The following EBF2 variants were observed in gnomAD, a reference collection of about 807,000 sequenced individuals.
The protein encoded by EBF2 is EBF transcription factor 2.
EBF2 carries 21 observed loss-of-function variants against 72.8 expected under a neutral mutation model. The observed-to-expected ratio is 0.29, with a 90% CI of 0.20 to 0.42. EBF2 has a LOEUF of 0.42. Among genes scored for constraint, EBF2 ranks in the 10% least tolerant of loss-of-function variants. The pLI, the probability that EBF2 is intolerant of heterozygous loss-of-function variation, is 1.00. For synonymous variants in EBF2, 299 were observed against 274.2 expected, an observed-to-expected ratio of 1.09 and a Z score of -0.89; for missense variants, 637 against 731.2, an observed-to-expected ratio of 0.87 and a Z score of 1.49.
At chr8:25,945,807 G>A (rs946678063) in intron 6 of EBF2, among the ~76,000 whole-genome samples, 1 of 151,948 alleles carries the variant, frequency 6.6e-6, no homozygotes, top group African/African-American at 2.4e-5. Flanking sequence ...AAATTGATCA[G>A]CAGAGACAGA....
intron 6 of EBF2, among the ~76,000 whole-genome samples, chr8:26,029,632 C>A (rs530839236): frequency 1.3e-5 from 2 of 152,066 alleles, no homozygotes; most frequent in African/African-American, 4.8e-5. Flanking sequence ...TGTGAGAAAA[C>A]GCAAAGACAG....
rs987624150 is a variant in EBF2, at chr8:25,841,843, CAAA to C, written c.*2763_*2765del. On this transcript the variant is annotated 3_prime_UTR_variant, in exon 16 of 16. Transcript: ENST00000520164. Reference sequence around the variant, plus strand: ...AAGTAAGACCATTAAAAACAGTAAACAAAAAAGCTGTCTTTACAAAAAGCTCTG... The same window carrying C: ...AAGTAAGACCATTAAAAACAGTAAACAAAGCTGTCTTTACAAAAAGCTCTG... 6.6e-6 allele frequency: 1 copy of C among 151,968 alleles called. No homozygotes were observed. The highest frequency in any genetic ancestry group is 1.5e-5 in the Non-Finnish European group (1 of 67,966). The allele number at this position is 151,968 out of a possible 1,614,324, so 9.4% of individuals were successfully genotyped here. A position where few individuals can be genotyped will look rare whatever the true frequency, so the allele number is the denominator to read the frequency against.
intron 6 of EBF2, among the ~76,000 whole-genome samples, chr8:25,961,369 T>G (rs1283914641): frequency 1.3e-5 from 2 of 152,212 alleles, no homozygotes; most frequent in Admixed American, 1.3e-4. Flanking sequence ...TGAGGTTTTT[T>G]GTTTTTTGTT....
chr8:25,937,319 T>C (rs1255832518), intron 6 of EBF2, among the ~76,000 whole-genome samples: 4 of 152,252 alleles, frequency 2.6e-5, no homozygotes, highest in Admixed American at 2.6e-4. Flanking sequence ...CATCCAAAAA[T>C]GTCCCCGACA....
chr8:25,916,994 TA>T (rs1803227805), intron 6 of EBF2, among the ~76,000 whole-genome samples: 1 of 152,134 alleles, frequency 6.6e-6, no homozygotes, highest in Admixed American at 6.5e-5. Flanking sequence ...TCCATACCGA[TA>T]GACTTCATTT....
chr8:25,850,744 T>C lies in EBF2; in HGVS notation c.1546A>G (p.Thr516Ala). The change falls in exon 15 of 16, where the codon ACC becomes GCC. Residue 516 changes from threonine to alanine, a missense_variant. Around this residue, in one of 3 missense-constraint regions of EBF2, gnomAD observed 259 missense variants for 268.1 expected, o/e 0.97. Transcript: ENST00000520164. The stretch of plus-strand genomic sequence containing the variant: ...GAGGATGTGCTGGAAGACCCAACGG[T>C]GGGACTTGATGACATGACTGGAAAG... ...SPYGIMSSSP[T>A]VGSSSTSSIL... is the part of the protein sequence containing the mutation. 1 of 1,560,216 alleles carries C rather than the reference T, an allele frequency of 6.4e-7. No individual in the cohort carries two copies. Among genetic ancestry groups the C allele is most frequent in the Admixed American group, 2.1e-5 (1 of 47,718 alleles).
At chr8:25,952,211 G>A (rs543978552) in intron 6 of EBF2, among the ~76,000 whole-genome samples, 3 of 152,268 alleles carry the variant, frequency 2.0e-5, no homozygotes, top group East Asian at 1.9e-4. Flanking sequence ...CAAGAGGATC[G>A]CTTAAGCTCA....
chr8:25,984,752 A>C lies in EBF2; in HGVS notation c.551+48333T>G, dbSNP rs550292788. 7.9e-4 allele frequency among the ~76,000 whole-genome samples: 120 copies of C among 152,162 alleles called. 1 individual carries two copies. Among genetic ancestry groups the C allele is most frequent in the African/African-American group, 2.8e-3 (116 of 41,522 alleles). On this transcript the variant is annotated intron_variant, in intron 6 of 15. Transcript: ENST00000520164. Reference sequence around the variant, plus strand: ...TGCTTCTAGGTAATGAAATTTGCCCAGTATTCTTTGATATCTACATTTTGG... The same window carrying C: ...TGCTTCTAGGTAATGAAATTTGCCCCGTATTCTTTGATATCTACATTTTGG...
intron 6 of EBF2, among the ~76,000 whole-genome samples, chr8:26,015,093 G>A (rs936412034): frequency 2.0e-5 from 3 of 152,156 alleles, no homozygotes; most frequent in Admixed American, 6.5e-5. Flanking sequence ...GGAAACAAAT[G>A]TGGACCCCCG....
intron 5 of EBF2, 54 bp downstream of exon 5, chr8:26,039,974 G>C (rs1805570898): frequency 5.0e-6 from 8 of 1,587,454 alleles, no homozygotes; most frequent in East Asian, 2.3e-5. Flanking sequence ...CGCCAAGGCG[G>C]GGCTGGAGCA....
intron 10 of EBF2, among the ~76,000 whole-genome samples, chr8:25,884,792 T>C (rs954868629): frequency 2.4e-4 from 36 of 152,152 alleles, no homozygotes; most frequent in Admixed American, 2.1e-3. Flanking sequence ...GAGATGTGCT[T>C]ATCTCAGGAC....
intron 5 of EBF2, among the ~76,000 whole-genome samples, chr8:26,036,835 A>T (rs1182447112): frequency 6.6e-6 from 1 of 152,206 alleles, no homozygotes; most frequent in East Asian, 1.9e-4. Flanking sequence ...ATTATTCTCC[A>T]ACAAGCAAGT....
intron 6 of EBF2, among the ~76,000 whole-genome samples, chr8:25,948,990 T>G (rs1803815407): frequency 6.6e-6 from 1 of 152,226 alleles, no homozygotes; most frequent in Non-Finnish European, 1.5e-5. Flanking sequence ...TAATAGGTCT[T>G]GCACAGATAT....
In EBF2 at chr8:25,939,167, A is replaced by G. The variant is rs565294619; in HGVS notation, c.552-30612T>C. On this transcript the variant is annotated intron_variant, in intron 6 of 15. Transcript: ENST00000520164. ...ATCCAAACAAAGCTCAAATTCTGCA[A>G]ACTTTTCCATTCTGTGATCTTCTTT... 4.6e-5 allele frequency among the ~76,000 whole-genome samples: 7 copies of G among 152,364 alleles called. No individual in the cohort carries two copies. The South Asian group carries it at 1.0e-3, about 23-fold the overall frequency.
chr8:26,024,163 C>T (rs1030069410), intron 6 of EBF2, among the ~76,000 whole-genome samples: 2 of 152,104 alleles, frequency 1.3e-5, no homozygotes, highest in Non-Finnish European at 2.9e-5. Flanking sequence ...CCTTTTCCAA[C>T]ACACTTTCTT....
At chr8:25,896,978 C>T (rs1802871886) in intron 7 of EBF2, among the ~76,000 whole-genome samples, 1 of 152,174 alleles carries the variant, frequency 6.6e-6, no homozygotes, top group Non-Finnish European at 1.5e-5. Flanking sequence ...CTTTAAACAC[C>T]TACCCCACAA....
Position 25,842,207 on chromosome 8 carries a change from C to G in EBF2, c.*2402G>C, listed in dbSNP as rs570455890. The G allele has an allele frequency of 6.6e-6, 1 of 152,242 alleles. No homozygotes were observed. The highest frequency in any genetic ancestry group is 2.1e-4 in the South Asian group (1 of 4,818). 9.4% of individuals were successfully genotyped at this position (152,242 alleles called of 1,614,324 possible). Reference sequence around the variant, plus strand: ...GGAATGATTGAATAGCAATGACTAACGAGGACAGGGTAGCTTTGTTTTTAA... The same window carrying G: ...GGAATGATTGAATAGCAATGACTAAGGAGGACAGGGTAGCTTTGTTTTTAA... On this transcript the variant is annotated 3_prime_UTR_variant, in exon 16 of 16. Transcript: ENST00000520164.
At chr8:25,948,954 A>G (rs1803814850) in intron 6 of EBF2, among the ~76,000 whole-genome samples, 1 of 152,134 alleles carries the variant, frequency 6.6e-6, no homozygotes, top group Non-Finnish European at 1.5e-5. Flanking sequence ...ATCCAAATAC[A>G]CGCCAAAAAT....
chr8:25,950,585 G>A (rs1475535866), intron 6 of EBF2, among the ~76,000 whole-genome samples: 1 of 152,184 alleles, frequency 6.6e-6, no homozygotes, highest in African/African-American at 2.4e-5. Context: ...ACCTAAGTGT[G>A]GTTGCACAGG....
Sources: allele counts gnomAD v4.1 joint callset (sites outside exome capture counted in the v4.1 genomes callset), GRCh38; gene constraint gnomAD v4.1.1; regional missense constraint gnomAD v4.1.1; transcripts MANE v1.5; gene names NCBI Gene and HGNC (gene_info 2026-07-23, HGNC 2026-07-21).